Variants in RNF150 observed in about 807,000 individuals in gnomAD.
RNF150 encodes the protein ring finger protein 150.
RNF150 carries 24 observed loss-of-function variants against 39.3 expected under a neutral mutation model. The observed-to-expected ratio is 0.61, with a 90% CI of 0.44 to 0.86. The LOEUF (loss-of-function observed/expected upper bound fraction) is 0.86, where lower values mean the gene tolerates loss of function less well. Among genes scored for constraint, RNF150 ranks in the 40% least tolerant of loss-of-function variants. The probability of loss-of-function intolerance (pLI) is 0.00; values close to 1 mark genes in which losing one functional copy is unlikely to be tolerated. For synonymous variants in RNF150, 255 were observed against 227.3 expected (o/e 1.12, Z -1.10); for missense variants, 502 against 587.8 (o/e 0.85, Z 1.51).
At chr4:141,102,319 A>T (rs1347710991) in intron 1 of RNF150, among the ~76,000 whole-genome samples, 1 of 152,188 alleles carries the variant, frequency 6.6e-6, no homozygotes, top group Non-Finnish European at 1.5e-5. Context: ...AGTAGCCAGT[A>T]GACATGGGAC....
rs1553938684 is a variant in RNF150 at position 141,027,952 on chromosome 4, T to TTATTTTG, written c.485-60080_485-60079insCAAAATA. ...TTTTTTTTTTTTTTTTTTTTTTTTT[T>TTATTTTG]CAATCCTGCTGGATCAAGATGTATA... On this transcript the variant is annotated intron_variant, in intron 1 of 6. Coordinates refer to ENST00000515673, the MANE Select transcript of RNF150 (RefSeq NM_020724.2). Among the ~76,000 whole-genome samples, 2 of 71,578 alleles carry TTATTTTG rather than the reference T, an allele frequency of 2.8e-5. 1 individual carries two copies. The highest frequency in any genetic ancestry group is 5.8e-5 in the Non-Finnish European group (2 of 34,328). 47.0% of individuals were successfully genotyped at this position (71,578 alleles called of 152,430 possible).
chr4:140,997,873 T>C (rs1204389905), intron 1 of RNF150, among the ~76,000 whole-genome samples: 1 of 151,968 alleles, frequency 6.6e-6, no homozygotes, highest in Non-Finnish European at 1.5e-5. Context: ...TAGACAACAG[T>C]ACAAAAATAG....
At chr4:140,985,305 G>A (rs930872359) in intron 1 of RNF150, among the ~76,000 whole-genome samples, 29 of 152,116 alleles carry the variant, frequency 1.9e-4, no homozygotes, top group African/African-American at 5.3e-4. Context: ...ACCTTTTCAC[G>A]CCCAATTAAC....
intron 4 of RNF150, among the ~76,000 whole-genome samples, chr4:140,929,178 TAAG>T (rs1248556780): frequency 6.6e-6 from 1 of 151,952 alleles, no homozygotes; most frequent in African/African-American, 2.4e-5. Context: ...AGCAATCAAA[TAAG>T]ATGATTAATA....
At chr4:141,137,745 A>G (rs974510942), upstream of RNF150, among the ~76,000 whole-genome samples, 3 of 152,236 alleles carry the variant, frequency 2.0e-5, no homozygotes, top group Admixed American at 1.3e-4. Flanking sequence ...CACATACACA[A>G]TCGCCAAATT....
At chr4:140,977,351 T>C (rs1331873681) in intron 1 of RNF150, among the ~76,000 whole-genome samples, 7 of 152,148 alleles carry the variant, frequency 4.6e-5, no homozygotes, top group Non-Finnish European at 1.0e-4. Flanking sequence ...AGAATTTTAT[T>C]TGAGTTATAA....
chr4:141,156,643 C>T (rs996095421), intron 1 of RNF150, among the ~76,000 whole-genome samples: 4 of 150,220 alleles, frequency 2.7e-5, no homozygotes, highest in African/African-American at 9.8e-5. Flanking sequence ...CCTGTAATCC[C>T]AGCACTTTGG....
chr4:140,998,872 A>T (rs1002846597), intron 1 of RNF150, among the ~76,000 whole-genome samples: 1 of 152,082 alleles, frequency 6.6e-6, no homozygotes, highest in African/African-American at 2.4e-5. Context: ...ATATGTCACT[A>T]CCAAGAGTCA....
intron 1 of RNF150, among the ~76,000 whole-genome samples, chr4:141,026,667 T>C (rs937996376): frequency 8.5e-5 from 13 of 152,364 alleles, no homozygotes; most frequent in African/African-American, 2.6e-4. Flanking sequence ...GTATGTAGTA[T>C]AATGTTTCAC....
chr4:141,195,180 G>T (rs1314769119), intron 1 of RNF150, among the ~76,000 whole-genome samples: 2 of 151,786 alleles, frequency 1.3e-5, no homozygotes, highest in Non-Finnish European at 2.9e-5. Context: ...TTCCTCACAG[G>T]CTACGAGGAA....
At chr4:140,904,767 G>A (rs796094987) in intron 6 of RNF150, among the ~76,000 whole-genome samples, 4 of 152,232 alleles carry the variant, frequency 2.6e-5, no homozygotes, top group South Asian at 4.2e-4. Flanking sequence ...AGTCCTGAAC[G>A]CACATTCTTT....
chr4:141,095,096 T>C (rs1196557710), intron 1 of RNF150, among the ~76,000 whole-genome samples: 1 of 152,206 alleles, frequency 6.6e-6, no homozygotes, highest in African/African-American at 2.4e-5. Flanking sequence ...AAGAGGCTCC[T>C]CTAAGAAGAA....
chr4:141,063,686 T>C (rs1258619695), intron 1 of RNF150, among the ~76,000 whole-genome samples: 1 of 152,182 alleles, frequency 6.6e-6, no homozygotes, highest in Non-Finnish European at 1.5e-5. Context: ...GGTCTATCAG[T>C]AGGAACCAAC....
At chr4:140,977,361 A>G (rs1391587630) in intron 1 of RNF150, among the ~76,000 whole-genome samples, 1 of 152,164 alleles carries the variant, frequency 6.6e-6, no homozygotes, top group East Asian at 1.9e-4. Context: ...TTGAGTTATA[A>G]CGAAGCAAAG....
chr4:140,905,593 G>A (rs1229691783), intron 6 of RNF150, among the ~76,000 whole-genome samples: 1 of 152,214 alleles, frequency 6.6e-6, no homozygotes, highest in Non-Finnish European at 1.5e-5. Context: ...TCAATGAACA[G>A]AGCGATGTCA....
intron 2 of RNF150, among the ~76,000 whole-genome samples, chr4:140,949,639 A>G (rs889275661): frequency 2.0e-5 from 3 of 151,794 alleles, no homozygotes; most frequent in Non-Finnish European, 4.4e-5. Flanking sequence ...ATCCTGCCCT[A>G]CAGTTCTACA....
At chr4:141,028,638 T>A (rs2110815616) in intron 1 of RNF150, among the ~76,000 whole-genome samples, 1 of 152,322 alleles carries the variant, frequency 6.6e-6, no homozygotes, top group Non-Finnish European at 1.5e-5. Flanking sequence ...TCTTTAAAGT[T>A]AAATATTGAT....
intron 1 of RNF150, among the ~76,000 whole-genome samples, chr4:141,163,919 G>T (rs1409594139): frequency 6.6e-6 from 1 of 152,018 alleles, no homozygotes; most frequent in Non-Finnish European, 1.5e-5. Context: ...ACAACTCCTC[G>T]ACAGCAAGGG....
intron 1 of RNF150, among the ~76,000 whole-genome samples, chr4:140,982,242 A>G (rs1733882782): frequency 6.6e-6 from 1 of 152,120 alleles, no homozygotes; most frequent in African/African-American, 2.4e-5. Context: ...CTCACGACAT[A>G]TGAAACCCTT....
Sources: allele counts gnomAD v4.1 joint callset (sites outside exome capture counted in the v4.1 genomes callset), GRCh38; gene constraint gnomAD v4.1.1; transcripts MANE v1.5; gene names NCBI Gene and HGNC (gene_info 2026-07-23, HGNC 2026-07-21).